The following SPIDR variants were observed in gnomAD, a reference collection of about 807,000 sequenced individuals.
The protein encoded by SPIDR is scaffold protein involved in DNA repair.
In SPIDR, 93 loss-of-function variants were observed where a neutral mutation model predicts 104.6. The observed-to-expected ratio is 0.89, with a 90% confidence interval of 0.75 to 1.06. The LOEUF is 1.06. Ranked by LOEUF, SPIDR falls within the 50% of genes least tolerant of loss-of-function variation. The probability of loss-of-function intolerance (pLI) is 0.00; values close to 1 mark genes in which losing one functional copy is unlikely to be tolerated. For missense variants in SPIDR, 1,154 were observed against 1,111.2 expected, an observed-to-expected ratio of 1.04 and a Z score of -0.55; for synonymous variants, 431 against 416.9, an observed-to-expected ratio of 1.03 and a Z score of -0.41.
At chr8:47,350,487 T>C (rs1229869803) in intron 5 of SPIDR, among the ~76,000 whole-genome samples, 1 of 152,158 alleles carries the variant, frequency 6.6e-6, no homozygotes, top group African/African-American at 2.4e-5. Context: ...CTAACTTTTG[T>C]ATTTTTAGTA....
intron 9 of SPIDR, 95 bp from the exon 10 acceptor site, chr8:47,598,851 G>C (rs2061928281): frequency 6.7e-7 from 1 of 1,503,164 alleles, no homozygotes; most frequent in East Asian, 2.3e-5. Context: ...GGCTGCTTAA[G>C]GATGTCATTA....
intron 10 of SPIDR, among the ~76,000 whole-genome samples, chr8:47,624,707 T>C (rs984970471): frequency 1.3e-5 from 2 of 152,200 alleles, no homozygotes; most frequent in African/African-American, 4.8e-5. Context: ...AATCTCTGAA[T>C]AGACCAATAA....
intron 11 of SPIDR, among the ~76,000 whole-genome samples, chr8:47,682,267 AAAAAAAAAC>A: frequency 6.6e-6 from 1 of 150,950 alleles, no homozygotes; most frequent in African/African-American, 2.4e-5. Flanking sequence ...AAAAAAAAAA[AAAAAAAAAC>A]CCAGACACAA....
At chr8:47,518,008 G>A (rs926796273) in intron 8 of SPIDR, among the ~76,000 whole-genome samples, 8 of 151,696 alleles carry the variant, frequency 5.3e-5, no homozygotes, top group South Asian at 2.1e-4. Context: ...AATCTCTTTC[G>A]TTAAGCTAAT....
intron 8 of SPIDR, among the ~76,000 whole-genome samples, chr8:47,513,663 C>G (rs2082697118): frequency 1.3e-5 from 2 of 152,142 alleles, no homozygotes; most frequent in African/African-American, 2.4e-5. Context: ...GTGGACTGAT[C>G]CAGCAACAGT....
intron 8 of SPIDR, among the ~76,000 whole-genome samples, chr8:47,508,113 A>G (rs1272088196): frequency 6.6e-6 from 1 of 152,204 alleles, no homozygotes; most frequent in Admixed American, 6.5e-5. Flanking sequence ...TTAACAAGCT[A>G]TTCTCAGGTA....
intron 10 of SPIDR, among the ~76,000 whole-genome samples, chr8:47,626,559 C>T (rs2154438840): frequency 6.6e-6 from 1 of 152,210 alleles, no homozygotes; most frequent in East Asian, 1.9e-4. Context: ...ACAAACAACC[C>T]CATCAACAAA....
At chr8:47,408,034 A>AC in intron 7 of SPIDR, 73 bp downstream of exon 7, 1 of 776,616 alleles carries the variant, frequency 1.3e-6, no homozygotes. Context: ...ACATTAAAAT[A>AC]TATGAAGTTA....
At chr8:47,341,107 T>TG (rs2154275285) in intron 5 of SPIDR, among the ~76,000 whole-genome samples, 1 of 152,340 alleles carries the variant, frequency 6.6e-6, no homozygotes, top group South Asian at 2.1e-4. Flanking sequence ...GGCAGCCTTG[T>TG]GGAGGACTTT....
intron 8 of SPIDR, among the ~76,000 whole-genome samples, chr8:47,575,950 A>C (rs1203465925): frequency 6.8e-6 from 1 of 147,546 alleles, no homozygotes; most frequent in Non-Finnish European, 1.5e-5. Context: ...ACAGAGCGAG[A>C]TTCCTTTTAA....
At chr8:47,323,071 G>A (rs993538265) in intron 5 of SPIDR, among the ~76,000 whole-genome samples, 10 of 149,876 alleles carry the variant, frequency 6.7e-5, no homozygotes, top group African/African-American at 2.0e-4. Flanking sequence ...GCATGTACCC[G>A]AAAACGTAAA....
At chr8:47,440,629 C>T in intron 8 of SPIDR, 87 bp downstream of exon 8, 1 of 1,375,218 alleles carries the variant, frequency 7.3e-7, no homozygotes, top group Non-Finnish European at 9.9e-7. Flanking sequence ...ATTTTTGTCA[C>T]TTTATCATAG....
At chr8:47,485,294 C>T (rs2077415752) in intron 8 of SPIDR, among the ~76,000 whole-genome samples, 1 of 152,182 alleles carries the variant, frequency 6.6e-6, no homozygotes. Flanking sequence ...AAGGCGGCAG[C>T]GAGGCTGGGG....
chr8:47,532,655 G>A (rs1459721822), intron 8 of SPIDR, among the ~76,000 whole-genome samples: 1 of 152,162 alleles, frequency 6.6e-6, no homozygotes, highest in African/African-American at 2.4e-5. Flanking sequence ...TGATAGAACT[G>A]CAAAGTAAAA....
intron 7 of SPIDR, among the ~76,000 whole-genome samples, chr8:47,417,024 G>A (rs375769415): frequency 1.3e-5 from 2 of 152,086 alleles, no homozygotes; most frequent in African/African-American, 4.8e-5. Context: ...TCCAGTCTAT[G>A]ATTTTTGGAC....
At chr8:47,489,035 T>C (rs1554735545) in intron 8 of SPIDR, among the ~76,000 whole-genome samples, 1 of 152,152 alleles carries the variant, frequency 6.6e-6, no homozygotes, top group Non-Finnish European at 1.5e-5. Context: ...TAAAGGGTAT[T>C]CAATTAGGAA....
At chr8:47,373,906 G>A (rs1199496513) in intron 5 of SPIDR, among the ~76,000 whole-genome samples, 2 of 152,188 alleles carry the variant, frequency 1.3e-5, no homozygotes, top group African/African-American at 4.8e-5. Context: ...TTACCCCTGA[G>A]GTTTACTTTT....
chr8:47,553,763 T>C (rs2090928938), intron 8 of SPIDR, among the ~76,000 whole-genome samples: 1 of 152,254 alleles, frequency 6.6e-6, no homozygotes, highest in South Asian at 2.1e-4. Flanking sequence ...GTCAAAGTCA[T>C]TCTCTGTCCA....
intron 10 of SPIDR, among the ~76,000 whole-genome samples, chr8:47,665,682 G>A (rs906386148): frequency 4.6e-5 from 7 of 152,158 alleles, no homozygotes; most frequent in Admixed American, 1.3e-4. Context: ...GCTAAATACT[G>A]CTGATACACA....
Sources: gnomAD v4.1 joint callset for allele counts (sites outside exome capture counted in the v4.1 genomes callset) on GRCh38, gnomAD v4.1.1 for gene constraint, MANE v1.5 for transcripts, NCBI Gene and HGNC (gene_info 2026-07-23, HGNC 2026-07-21) for gene names.